GOT1L1: variants seen among roughly 807,000 people sequenced by gnomAD.
The protein encoded by GOT1L1 is aspartate aminotransferase, cytoplasmic 2.
A neutral mutation model predicts 43.6 loss-of-function variants in GOT1L1; 38 were observed. The ratio of observed to expected loss-of-function variants is 0.87; its 90% confidence interval spans 0.67 to 1.14. GOT1L1 has a LOEUF of 1.14. Ranked by LOEUF, GOT1L1 falls within the 50% of genes most tolerant of loss-of-function variation. GOT1L1 has a pLI of 0.00. For synonymous variants in GOT1L1, 183 were observed against 187.2 expected (o/e 0.98, Z 0.18); for missense variants, 482 against 504.0 (o/e 0.96, Z 0.42).
At chr8:37,936,940 A>G (rs1455501716) in intron 5 of GOT1L1, 25 bp downstream of exon 5, 1 of 1,612,378 alleles carries the variant, frequency 6.2e-7, no homozygotes, top group African/African-American at 1.3e-5. Flanking sequence ...AAAGACAGGA[A>G]GGTCGGGTGG....
intron 4 of GOT1L1, 79 bp downstream of exon 4, chr8:37,937,198 C>T: frequency 8.1e-7 from 1 of 1,227,816 alleles, no homozygotes; most frequent in East Asian, 2.4e-5. Flanking sequence ...TCTTGGATGA[C>T]TTAAGAGGTG....
intron 1 of GOT1L1, among the ~76,000 whole-genome samples, chr8:37,939,686 A>G (rs893067858): frequency 6.6e-6 from 1 of 151,934 alleles, no homozygotes; most frequent in Non-Finnish European, 1.5e-5. Flanking sequence ...GTGGAAGAGG[A>G]CATAGCTCTC....
At position 37,937,000 on chromosome 8, in the gene GOT1L1, GTGTCAACTTGC is replaced by G. The variant is rs759452801; in HGVS notation, c.566_576del (p.Cys189SerfsTer21). 1.8e-5 allele frequency: 29 copies of G among 1,613,868 alleles called. No homozygotes were observed. The African/African-American group carries it at 3.6e-4, about 20-fold the overall frequency. On this transcript the variant is annotated frameshift_variant, in exon 5 of 9. Transcript: ENST00000307599. LOFTEE classifies it high-confidence loss of function. ...GACATCAACTTTGCCCACCCACTTGGTGTCAACTTGCAGTCGATAATGTTCCCCATCACAAG... is the reference window on the plus strand; with the variant it reads ...GACATCAACTTTGCCCACCCACTTGGAGTCGATAATGTTCCCCATCACAAG...
In GOT1L1 at chr8:37,938,602, A is replaced by C. The variant is rs113102064; in HGVS notation, c.297+98T>G. 8 of 1,068,950 alleles carry C rather than the reference A, an allele frequency of 7.5e-6. No homozygotes were observed. The African/African-American group carries it at 1.1e-4, about 15-fold the overall frequency. The allele number at this position is 1,068,950 out of a possible 1,614,324, so 66.2% of individuals were successfully genotyped here. A position where few individuals can be genotyped will look rare whatever the true frequency, so the allele number is the denominator to read the frequency against. ...CTCAGGTATCTCTTTTATCAATACC[A>C]GGGGGCCCTCCGAGGTCCCCTTCGG... On this transcript the variant is annotated intron_variant, in intron 2 of 8. Transcript: ENST00000307599.
rs763481409 is a variant in GOT1L1 at position 37,938,988 on chromosome 8, T to C, written c.116-107A>G. The C allele has an allele frequency of 3.9e-5, 37 of 938,384 alleles. 1 individual carries two copies. The Middle Eastern group carries it at 6.4e-4, about 16-fold the overall frequency. The allele number at this position is 938,384 out of a possible 1,614,324, so 58.1% of individuals were successfully genotyped here. On this transcript the variant is annotated intron_variant, in intron 1 of 8. Coordinates refer to ENST00000307599, the MANE Select transcript of GOT1L1 (RefSeq NM_152413.3). ...ATCTCTCCTGGACTCCATGGGGCTGTGGGAAGGTGCCTGTGAAAATACAAC... is the reference window on the plus strand; with the variant it reads ...ATCTCTCCTGGACTCCATGGGGCTGCGGGAAGGTGCCTGTGAAAATACAAC...
intron 1 of GOT1L1, among the ~76,000 whole-genome samples, chr8:37,939,431 A>ATAT (rs1554537597): frequency 1.2e-3 from 49 of 41,608 alleles, no homozygotes; most frequent in Non-Finnish European, 2.0e-3. Context: ...AAAAAAAAAA[A>ATAT]ATATATATAT....
chr8:37,935,135 G>A lies in GOT1L1; in HGVS notation c.1010C>T (p.Thr337Ile). The change falls in exon 8 of 9, where the codon ACC (threonine) becomes ATC (isoleucine). Residue 337 changes from threonine to isoleucine, a missense_variant. Physicochemically the swap from Thr to Ile is moderately conservative, Grantham distance 89 (BLOSUM62 -1). Coordinates refer to ENST00000307599, the MANE Select transcript of GOT1L1 (RefSeq NM_152413.3). ...KVKEKLQLLGTPGSWGHITEQ... is the reference protein window; with the variant it reads ...KVKEKLQLLGIPGSWGHITEQ... ...GGTGATGTGACCCCAGGACCCAGGG[G>A]TTCCCAGGAGCTGGAGTTTCTCCTT... is the stretch of plus-strand genomic sequence containing the variant. The A allele has an allele frequency of 8.7e-6, 14 of 1,613,484 alleles. No individual in the cohort carries two copies. Among genetic ancestry groups the A allele is most frequent in the Non-Finnish European group, 1.1e-5 (13 of 1,179,704 alleles).
chr8:37,936,755 C>T lies in GOT1L1; in HGVS notation c.728G>A (p.Cys243Tyr), dbSNP rs1179541243. The T allele has an allele frequency of 8.7e-6, 14 of 1,612,686 alleles. 1 individual carries two copies. In the Admixed American group the frequency reaches 2.3e-4, roughly 27 times the overall value. ...YFVSQGFEFF[C>Y]SQSLSKNFGI... ...AAAATTCTTGGACAGAGACTGGCTG[C>T]AGAAGAACTCAAAGCCTTGAGACAC... The change falls in exon 6 of 9, where the codon TGC (cysteine) becomes TAC (tyrosine). Residue 243 changes from cysteine to tyrosine, a missense_variant. Cys to Tyr is a radical substitution (Grantham distance 194, BLOSUM62 -2). Coordinates refer to ENST00000307599, the MANE Select transcript of GOT1L1 (RefSeq NM_152413.3).
At position 37,935,719 on chromosome 8, in the gene GOT1L1, G is replaced by A. The variant is rs376036632; in HGVS notation, c.914C>T (p.Ala305Val). Residue 305 changes from alanine (A) to valine (V), a missense_variant, in exon 7 of 9, where the codon GCT becomes GTT. Ala to Val is a moderately conservative substitution (Grantham distance 64, BLOSUM62 0). Transcript: ENST00000307599. Reference protein sequence around the residue: ...RVITSILCNPALLGEWKQSLK... With the variant: ...RVITSILCNPVLLGEWKQSLK... ...TCACCCTTACCATTCTCCCAGCAGA[G>A]CAGGGTTGCAGAGGATGGAGGTGAT... 6.3e-6 allele frequency: 10 copies of A among 1,590,812 alleles called. No individual in the cohort carries two copies. Among genetic ancestry groups the A allele is most frequent in the South Asian group, 2.3e-5 (2 of 87,670 alleles).
Position 37,937,762 on chromosome 8 carries a change from C to T in GOT1L1, c.298-13G>A. On this transcript the variant is annotated splice_polypyrimidine_tract_variant and intron_variant, in intron 2 of 8. Coordinates refer to ENST00000307599, the MANE Select transcript of GOT1L1 (RefSeq NM_152413.3). Reference sequence around the variant, plus strand: ...GTACACCCCCTACCTGCCAGCAAGACATAGACACAAATAGGCCAGGTGTGG... The same window carrying T: ...GTACACCCCCTACCTGCCAGCAAGATATAGACACAAATAGGCCAGGTGTGG... 2 of 1,591,266 alleles carry T rather than the reference C, an allele frequency of 1.3e-6. No individual in the cohort carries two copies. Among genetic ancestry groups the T allele is most frequent in the Non-Finnish European group, 1.7e-6 (2 of 1,162,808 alleles).
intron 8 of GOT1L1, among the ~76,000 whole-genome samples, chr8:37,934,772 C>T (rs927686046): frequency 6.6e-6 from 1 of 152,072 alleles, no homozygotes; most frequent in Non-Finnish European, 1.5e-5. Flanking sequence ...GACGGGGTTT[C>T]ACCATGTTGG....
chr8:37,935,255 C>T, intron 7 of GOT1L1, 40 bp from the exon 8 acceptor site: 1 of 1,541,652 alleles, frequency 6.5e-7, no homozygotes, highest in Non-Finnish European at 8.8e-7. Context: ...GTGTGAGGTC[C>T]CCCTTGCCCT....
chr8:37,938,049 A>T (rs769176752), intron 2 of GOT1L1, among the ~76,000 whole-genome samples: 11 of 151,270 alleles, frequency 7.3e-5, no homozygotes, highest in African/African-American at 2.7e-4. Flanking sequence ...TCAAAAAAAT[A>T]ATAAGTAAAT....
At position 37,936,836 on chromosome 8, in the gene GOT1L1, C is replaced by T. The variant is rs750930423; in HGVS notation, c.647G>A (p.Cys216Tyr). The change falls in exon 6 of 9, where the codon TGT becomes TAT. Residue 216 changes from cysteine (C) to tyrosine (Y), a missense_variant. Physicochemically the swap from Cys to Tyr is radical, Grantham distance 194 (BLOSUM62 -2). Coordinates refer to ENST00000307599, the MANE Select transcript of GOT1L1 (RefSeq NM_152413.3). ...CAAGTCACTGGTGTATAAACCTTGACAGGGAATATCAAAAAATGGGAATAT... is the reference window on the plus strand; with the variant it reads ...CAAGTCACTGGTGTATAAACCTTGATAGGGAATATCAAAAAATGGGAATAT... ...KQIFPFFDIP[C>Y]QGLYTSDLEE... 5.0e-6 allele frequency: 8 copies of T among 1,610,750 alleles called. No homozygotes were observed. Among genetic ancestry groups the T allele is most frequent in the Non-Finnish European group, 5.9e-6 (7 of 1,177,346 alleles).
Position 37,935,696 on chromosome 8 carries a change from A to G in GOT1L1, c.929+8T>C. 1.3e-6 allele frequency: 2 copies of G among 1,569,544 alleles called. No homozygotes were observed. Among genetic ancestry groups the G allele is most frequent in the Non-Finnish European group, 1.7e-6 (2 of 1,158,188 alleles). On this transcript the variant is annotated splice_region_variant and intron_variant, in intron 7 of 8. Coordinates refer to ENST00000307599, the MANE Select transcript of GOT1L1 (RefSeq NM_152413.3). ...CCCATCCCTTCCTGCTCCAGCCCTCACCCTTACCATTCTCCCAGCAGAGCA... is the reference window on the plus strand; with the variant it reads ...CCCATCCCTTCCTGCTCCAGCCCTCGCCCTTACCATTCTCCCAGCAGAGCA...
intron 2 of GOT1L1, among the ~76,000 whole-genome samples, chr8:37,938,329 G>C (rs894081434): frequency 1.3e-5 from 2 of 152,128 alleles, no homozygotes; most frequent in African/African-American, 2.4e-5. Flanking sequence ...CCTGGGAGGT[G>C]GAGGTTGCAG....
rs1482484094 is a variant in GOT1L1, at chr8:37,937,718, C to T, written c.329G>A (p.Gly110Asp). 3.7e-6 allele frequency: 6 copies of T among 1,612,884 alleles called. No homozygotes were observed. Among genetic ancestry groups the T allele is most frequent in the Non-Finnish European group, 3.4e-6 (4 of 1,179,492 alleles). Reference protein sequence around the residue: ...VGGVHTVGDSGAFQLGVQFLR... With the variant: ...VGGVHTVGDSDAFQLGVQFLR... ...AAACTGGACGCCAAGCTGGAAGGCACCACTGTCACCAACAGTGTGTACACC... is the reference window on the plus strand; with the variant it reads ...AAACTGGACGCCAAGCTGGAAGGCATCACTGTCACCAACAGTGTGTACACC... Residue 110 changes from glycine (G) to aspartate (D), a missense_variant, in exon 3 of 9, where the codon GGT becomes GAT. By Grantham distance (94) the Gly-to-Asp change is moderately conservative. Transcript: ENST00000307599.
At chr8:37,935,256 C>A (rs1338597697) in intron 7 of GOT1L1, 41 bp from the exon 8 acceptor site, 2 of 1,538,036 alleles carry the variant, frequency 1.3e-6, no homozygotes, top group African/African-American at 2.7e-5. Flanking sequence ...TGTGAGGTCC[C>A]CCTTGCCCTC....
At chr8:37,938,360 G>A (rs1220644606) in intron 2 of GOT1L1, among the ~76,000 whole-genome samples, 1 of 152,200 alleles carries the variant, frequency 6.6e-6, no homozygotes, top group African/African-American at 2.4e-5. Context: ...TGGCACCACT[G>A]CACTCTAGCC....
Sources: allele counts gnomAD v4.1 joint callset (sites outside exome capture counted in the v4.1 genomes callset), GRCh38; gene constraint gnomAD v4.1.1; transcripts MANE v1.5; gene names NCBI Gene and HGNC (gene_info 2026-07-23, HGNC 2026-07-21).